The following ANLN variants were observed in gnomAD, a reference collection of about 807,000 sequenced individuals.
The protein encoded by ANLN is anillin, actin binding protein, also known as anillin.
ANLN carries 59 observed loss-of-function variants against 135.1 expected under a neutral mutation model. The observed-to-expected ratio is 0.44, with a 90% CI of 0.35 to 0.54. The LOEUF (loss-of-function observed/expected upper bound fraction) is 0.54, where lower values mean the gene tolerates loss of function less well. Ranked by LOEUF, ANLN falls within the 20% of genes least tolerant of loss-of-function variation. The pLI, the probability that ANLN is intolerant of heterozygous loss-of-function variation, is 0.00. For synonymous variants in ANLN, 406 were observed against 456.4 expected, an observed-to-expected ratio of 0.89 and a Z score of 1.41; for missense variants, 1,182 against 1,340.0, an observed-to-expected ratio of 0.88 and a Z score of 1.84.
chr7:36,425,732 A>G lies in ANLN; in HGVS notation c.2740A>G (p.Ile914Val), dbSNP rs773706148. Reference sequence around the variant, plus strand: ...TACTCCAAAGCGACTCCTCACATCTATAACCACAGTAAGTAGAATTTTTGA... The same window carrying G: ...TACTCCAAAGCGACTCCTCACATCTGTAACCACAGTAAGTAGAATTTTTGA... Reference protein sequence around the residue: ...AITPKRLLTSITTKSNIHSSV... With the variant: ...AITPKRLLTSVTTKSNIHSSV... The change falls in exon 18 of 24, where the codon ATA becomes GTA. Residue 914 changes from isoleucine to valine, a missense_variant. Ile to Val is a conservative substitution (Grantham distance 29). Around this residue, in one of 3 missense-constraint regions of ANLN, gnomAD observed 1,022 missense variants for 1,134.0 expected, o/e 0.90. Transcript: ENST00000265748. 6.2e-7 allele frequency: 1 copy of G among 1,612,134 alleles called. No homozygotes were observed. Among genetic ancestry groups the G allele is most frequent in the Non-Finnish European group, 8.5e-7 (1 of 1,178,580 alleles).
chr7:36,431,561 T>TTGTGTGTGTGTG lies in ANLN; in HGVS notation c.2883+4559_2883+4570dup, dbSNP rs1186662720. On this transcript the variant is annotated intron_variant, in intron 20 of 23. Coordinates refer to ENST00000265748, the MANE Select transcript of ANLN (RefSeq NM_018685.5). ...TATATGTGTGTATATATGTGTGTGTTTGTGTGTGTGTGTGTGTGTGTGTGT... is the reference window on the plus strand; with the variant it reads ...TATATGTGTGTATATATGTGTGTGTTTGTGTGTGTGTGTGTGTGTGTGTGTGTGTGTGTGTGT... Among the ~76,000 whole-genome samples the TTGTGTGTGTGTG allele has an allele frequency of 4.1e-3, 310 of 75,976 alleles. 8 individuals carry two copies. The highest frequency in any genetic ancestry group is 0.017 in the Middle Eastern group (2 of 120). The allele number at this position is 75,976 out of a possible 152,430, so 49.8% of individuals were successfully genotyped here. A position where few individuals can be genotyped will look rare whatever the true frequency, so the allele number is the denominator to read the frequency against.
rs28521875 is a variant in ANLN at position 36,425,541 on chromosome 7, G to A, written c.2710-161G>A. ...AATCTCTTGACCTCATGATCCGCCC[G>A]CCTCAGCCTCCCAAAGTGATGGGAT... On this transcript the variant is annotated intron_variant, in intron 17 of 23. Coordinates refer to ENST00000265748, the MANE Select transcript of ANLN (RefSeq NM_018685.5). Among the ~76,000 whole-genome samples the A allele has an allele frequency of 0.23, 35,456 of 151,944 alleles. 4,269 individuals are homozygous for A. Among genetic ancestry groups the A allele is most frequent in the East Asian group, 0.42 (2,151 of 5,170 alleles).
At chr7:36,402,233 TCCTGAGTAGCAGGGATTA>T (rs1786980382) in intron 3 of ANLN, among the ~76,000 whole-genome samples, 1 of 113,540 alleles carries the variant, frequency 8.8e-6, no homozygotes, top group South Asian at 2.4e-4. Flanking sequence ...TGCCTCAGCC[TCCTGAGTAGCAGGGATTA>T]CAGGCACACG....
Position 36,452,718 on chromosome 7 carries a change from A to G in ANLN, c.*118A>G, listed in dbSNP as rs1381811000. On this transcript the variant is annotated 3_prime_UTR_variant, in exon 24 of 24. Coordinates refer to ENST00000265748, the MANE Select transcript of ANLN (RefSeq NM_018685.5). ...TAAGTACGAAAGGGTTTGTGCCAAT[A>G]TTCACTACGTATTATGCAGTATTTA... 26 of 1,183,428 alleles carry G rather than the reference A, an allele frequency of 2.2e-5. No individual in the cohort carries two copies. Among genetic ancestry groups the G allele is most frequent in the Non-Finnish European group, 3.1e-5 (26 of 831,092 alleles). The allele number at this position is 1,183,428 out of a possible 1,614,324, so 73.3% of individuals were successfully genotyped here. A position where few individuals can be genotyped will look rare whatever the true frequency, so the allele number is the denominator to read the frequency against.
chr7:36,415,889 G>A lies in ANLN; in HGVS notation c.1522+5G>A. On this transcript the variant is annotated splice_donor_5th_base_variant and intron_variant, in intron 8 of 23. Coordinates refer to ENST00000265748, the MANE Select transcript of ANLN (RefSeq NM_018685.5). ...ATTCTAGTACAGAACCTAAAGGTCA[G>A]TGTTTCCAGATTGTTCATGGTTAGT... 6.3e-7 allele frequency: 1 copy of A among 1,575,150 alleles called. No homozygotes were observed. Among genetic ancestry groups the A allele is most frequent in the Non-Finnish European group, 8.6e-7 (1 of 1,166,546 alleles).
At chr7:36,412,306 A>AATATATATATAT (rs60215077) in intron 7 of ANLN, among the ~76,000 whole-genome samples, 18 of 102,656 alleles carry the variant, frequency 1.8e-4, no homozygotes, top group African/African-American at 4.0e-4. Context: ...CTGCCAGAGA[A>AATATATATATAT]ATATATATAT....
At chr7:36,427,584 G>A (rs757202163) in intron 20 of ANLN, among the ~76,000 whole-genome samples, 1 of 152,046 alleles carries the variant, frequency 6.6e-6, no homozygotes, top group Non-Finnish European at 1.5e-5. Flanking sequence ...GAACTCCTGG[G>A]CTCTGGCCAT....
chr7:36,442,655 G>A (rs1044204821), intron 21 of ANLN, among the ~76,000 whole-genome samples: 5 of 151,058 alleles, frequency 3.3e-5, no homozygotes, highest in East Asian at 3.9e-4. Flanking sequence ...TTTTTGAGAC[G>A]GAGTCTCACT....
Position 36,452,753 on chromosome 7 carries a change from T to C in ANLN, c.*153T>C. On this transcript the variant is annotated 3_prime_UTR_variant, in exon 24 of 24. Transcript: ENST00000265748. ...TATTATGCAGTATTTATATCTTTTGTATGTAAAACTTTAACTGATTTCTGT... is the reference window on the plus strand; with the variant it reads ...TATTATGCAGTATTTATATCTTTTGCATGTAAAACTTTAACTGATTTCTGT... The C allele has an allele frequency of 2.6e-6, 2 of 772,558 alleles. No individual in the cohort carries two copies. The highest frequency in any genetic ancestry group is 3.9e-6 in the Non-Finnish European group (2 of 513,434). 47.9% of individuals were successfully genotyped at this position (772,558 alleles called of 1,614,324 possible).
In ANLN at chr7:36,431,617, A is replaced by ATATATATATATATATAT. The variant is rs141380630; in HGVS notation, c.2883+4589_2883+4590insTATATATATATATATAT. 1.2e-3 allele frequency among the ~76,000 whole-genome samples: 78 copies of ATATATATATATATATAT among 67,334 alleles called. 3 individuals carry two copies. The highest frequency in any genetic ancestry group is 2.5e-3 in the African/African-American group (42 of 17,134). The allele number at this position is 67,334 out of a possible 152,430, so 44.2% of individuals were successfully genotyped here. A position where few individuals can be genotyped will look rare whatever the true frequency, so the allele number is the denominator to read the frequency against. On this transcript the variant is annotated intron_variant, in intron 20 of 23. Coordinates refer to ENST00000265748, the MANE Select transcript of ANLN (RefSeq NM_018685.5). ...TGTGTGTATATATATATATATATATAATATATATATATATATTACCATTTT... is the reference window on the plus strand; with the variant it reads ...TGTGTGTATATATATATATATATATATATATATATATATATATATATATATATATATATTACCATTTT...
chr7:36,413,815 AC>A (rs1787526337), intron 7 of ANLN, among the ~76,000 whole-genome samples: 1 of 151,674 alleles, frequency 6.6e-6, no homozygotes, highest in Non-Finnish European at 1.5e-5. Flanking sequence ...ACATGGTGAA[AC>A]CCTATCTGTA....
rs1446523048 is a variant in ANLN, at chr7:36,417,175, G to A, written c.1618G>A (p.Val540Ile). 3.1e-6 allele frequency: 5 copies of A among 1,595,772 alleles called. No individual in the cohort carries two copies. In the Admixed American group the frequency reaches 7.1e-5, roughly 23 times the overall value. The change falls in exon 9 of 24, where the codon GTT (valine) becomes ATT (isoleucine). Residue 540 changes from valine (V) to isoleucine (I), a missense_variant. By Grantham distance (29) the Val-to-Ile change is conservative. This residue lies in a region of ANLN where 1,022 missense variants were observed against 1,134.0 expected (regional missense o/e 0.90). Coordinates refer to ENST00000265748, the MANE Select transcript of ANLN (RefSeq NM_018685.5). ...CTTAAAAGTAACATCAGACCCAAAG[G>A]TTGAGCAGAAAATTGGTTGGTTTTT... Reference protein sequence around the residue: ...KSLKVTSDPKVEQKIEVIREI... With the variant: ...KSLKVTSDPKIEQKIEVIREI...
intron 5 of ANLN, among the ~76,000 whole-genome samples, chr7:36,409,852 T>A (rs1787336479): frequency 6.6e-6 from 1 of 152,166 alleles, no homozygotes; most frequent in African/African-American, 2.4e-5. Context: ...TAGTATTTTT[T>A]ATAGAGATGG....
At chr7:36,406,044 T>C in intron 3 of ANLN, 137 bp from the exon 4 acceptor site, 1 of 612,080 alleles carries the variant, frequency 1.6e-6, no homozygotes. Context: ...CTTGGAAGTT[T>C]CATGCATGCT....
chr7:36,450,359 G>T (rs1284428072), intron 23 of ANLN, among the ~76,000 whole-genome samples: 1 of 152,152 alleles, frequency 6.6e-6, no homozygotes, highest in Non-Finnish European at 1.5e-5. Context: ...TCTAAGATAG[G>T]TTTCTTTGCT....
At position 36,411,172 on chromosome 7, in the gene ANLN, G is replaced by A. The variant is rs1254122735; in HGVS notation, c.1395+6G>A. The A allele has an allele frequency of 6.3e-7, 1 of 1,596,482 alleles. No individual in the cohort carries two copies. Among genetic ancestry groups the A allele is most frequent in the East Asian group, 2.2e-5 (1 of 44,716 alleles). ...AACAACTAGAAACCAAACAGGTAAT[G>A]TAAACAAGAAATATAAAAACGAACT... On this transcript the variant is annotated splice_donor_region_variant and intron_variant, in intron 7 of 23. Coordinates refer to ENST00000265748, the MANE Select transcript of ANLN (RefSeq NM_018685.5).
chr7:36,446,433 G>A (rs1789000884), intron 22 of ANLN, among the ~76,000 whole-genome samples: 1 of 151,994 alleles, frequency 6.6e-6, no homozygotes, highest in Admixed American at 6.6e-5. Flanking sequence ...TTTTAAATTG[G>A]CTCCTGATTC....
intron 5 of ANLN, among the ~76,000 whole-genome samples, chr7:36,408,792 C>T (rs577184002): frequency 3.3e-5 from 5 of 152,094 alleles, no homozygotes; most frequent in South Asian, 2.1e-4. Context: ...TTCTTACCAT[C>T]GTAAACTGAT....
intron 3 of ANLN, among the ~76,000 whole-genome samples, chr7:36,400,159 C>T (rs1325222646): frequency 6.6e-6 from 1 of 152,178 alleles, no homozygotes; most frequent in Non-Finnish European, 1.5e-5. Flanking sequence ...TATGCGAAGA[C>T]ATGAAACAGT....
Sources: gnomAD v4.1 joint callset for allele counts (sites outside exome capture counted in the v4.1 genomes callset) on GRCh38, gnomAD v4.1.1 for gene constraint, gnomAD v4.1.1 regional missense constraint, MANE v1.5 for transcripts, NCBI Gene and HGNC (gene_info 2026-07-23, HGNC 2026-07-21) for gene names.